The following UGT2B7 variants were observed in gnomAD, a reference collection of about 807,000 sequenced individuals.
UGT2B7 encodes UDP-glucuronosyltransferase 2B7.
UGT2B7 carries 51 observed loss-of-function variants against 51.9 expected under a neutral mutation model. The observed-to-expected ratio is 0.98, with a 90% CI of 0.78 to 1.24. UGT2B7 has a LOEUF of 1.24. Ranked by LOEUF, UGT2B7 falls within the 50% of genes most tolerant of loss-of-function variation. The probability of loss-of-function intolerance (pLI) is 0.00; values close to 1 mark genes in which losing one functional copy is unlikely to be tolerated. For missense variants in UGT2B7, 727 were observed against 628.4 expected, an observed-to-expected ratio of 1.16 and a Z score of -1.68; for synonymous variants, 225 against 211.6, an observed-to-expected ratio of 1.06 and a Z score of -0.55.
chr4:69,096,370 A>G, upstream of UGT2B7: 1 of 1,246,832 alleles, frequency 8.0e-7, no homozygotes, highest in Non-Finnish European at 1.1e-6. Context: ...TTTGCCATCC[A>G]CATGCTCAGA....
chr4:69,091,593 C>A (rs559239326), upstream of UGT2B7, among the ~76,000 whole-genome samples: 24 of 152,160 alleles, frequency 1.6e-4, no homozygotes, highest in African/African-American at 5.8e-4. Flanking sequence ...TATTTCAATT[C>A]GGAGCCCTGT....
chr4:69,056,220 A>C (rs544819731), intron 1 of UGT2B7, among the ~76,000 whole-genome samples: 1 of 152,324 alleles, frequency 6.6e-6, no homozygotes, highest in African/African-American at 2.4e-5. Context: ...CCCTGAAAAA[A>C]TCATACAATA....
intron 5 of UGT2B7, 97 bp from the exon 6 acceptor site, chr4:69,112,360 C>A (rs1719798651): frequency 6.8e-7 from 1 of 1,477,394 alleles, no homozygotes; most frequent in Admixed American, 2.3e-5. Flanking sequence ...GCCGATGCTC[C>A]CAGCCGAATA....
intron 1 of UGT2B7, among the ~76,000 whole-genome samples, chr4:69,077,840 C>T (rs1241734328): frequency 1.3e-5 from 2 of 152,184 alleles, no homozygotes; most frequent in Admixed American, 1.3e-4. Flanking sequence ...TGAGAGAGGG[C>T]ATCCTTGCCT....
chr4:69,079,006 G>T (rs1718777351), intron 1 of UGT2B7, among the ~76,000 whole-genome samples: 2 of 152,112 alleles, frequency 1.3e-5, no homozygotes, highest in South Asian at 4.1e-4. Flanking sequence ...GGTATTACCT[G>T]CCTGGTTACC....
chr4:69,097,241 G>C lies in UGT2B7; in HGVS notation c.721G>C (p.Gly241Arg). ...GGATCAGTTTTATAGTGAAGTTCTA[G>C]GTAAGTATTTTTTTCAATCAGTAAC... is the stretch of plus-strand genomic sequence containing the variant. ...KWDQFYSEVL[G>R]RPTTLSETMG... is the part of the protein sequence containing the mutation. The change falls in exon 1 of 6, where the codon GGA (glycine) becomes CGA (arginine). Residue 241 changes from glycine to arginine, a missense_variant and splice_region_variant. Gly to Arg is a moderately radical substitution (Grantham distance 125, BLOSUM62 -2). Coordinates refer to ENST00000305231, the MANE Select transcript of UGT2B7 (RefSeq NM_001074.4). 1 of 1,600,888 alleles carries C rather than the reference G, an allele frequency of 6.2e-7. No homozygotes were observed. Among genetic ancestry groups the C allele is most frequent in the African/African-American group, 1.4e-5 (1 of 73,688 alleles).
chr4:69,056,308 G>A (rs906227796), intron 1 of UGT2B7, among the ~76,000 whole-genome samples: 14 of 152,106 alleles, frequency 9.2e-5, no homozygotes, highest in Non-Finnish European at 1.3e-4. Flanking sequence ...CGAATCATAC[G>A]GTTACAAGCT....
At chr4:69,076,943 T>G (rs897882047) in intron 1 of UGT2B7, among the ~76,000 whole-genome samples, 1 of 152,206 alleles carries the variant, frequency 6.6e-6, no homozygotes, top group East Asian at 1.9e-4. Context: ...TTAGTCCATC[T>G]TGAGTTAATT....
intron 1 of UGT2B7, among the ~76,000 whole-genome samples, chr4:69,077,734 T>A (rs1718747458): frequency 6.6e-6 from 1 of 152,110 alleles, no homozygotes; most frequent in Non-Finnish European, 1.5e-5. Context: ...GCAGAGACAA[T>A]TTGACTTCCT....
intron 1 of UGT2B7, among the ~76,000 whole-genome samples, chr4:69,084,976 T>C (rs1278489864): frequency 6.6e-6 from 1 of 152,156 alleles, no homozygotes; most frequent in Non-Finnish European, 1.5e-5. Flanking sequence ...ATCCTTTGGG[T>C]AGATGCCCAG....
chr4:69,064,085 A>T (rs932055075), intron 1 of UGT2B7, among the ~76,000 whole-genome samples: 1 of 105,738 alleles, frequency 9.5e-6, no homozygotes, highest in South Asian at 2.9e-4. Context: ...AGAAAGAAAG[A>T]AAGAAAGAAA....
At chr4:69,070,373 CTAGA>C (rs906103207) in intron 1 of UGT2B7, among the ~76,000 whole-genome samples, 4 of 147,562 alleles carry the variant, frequency 2.7e-5, no homozygotes, top group Admixed American at 6.8e-5. Flanking sequence ...CGTTTGTTAC[CTAGA>C]TAAAGAACCC....
intron 1 of UGT2B7, among the ~76,000 whole-genome samples, chr4:69,081,632 G>C (rs1718840164): frequency 6.6e-6 from 1 of 151,998 alleles, no homozygotes; most frequent in Non-Finnish European, 1.5e-5. Context: ...CCAAACATCA[G>C]GACTTCTCTC....
At chr4:69,057,131 CCT>C (rs1366551073) in intron 1 of UGT2B7, among the ~76,000 whole-genome samples, 3 of 152,166 alleles carry the variant, frequency 2.0e-5, no homozygotes, top group African/African-American at 7.2e-5. Context: ...GCGTGCAGCC[CCT>C]GTCATGCACC....
chr4:69,086,408 A>G (rs1028923147), intron 1 of UGT2B7, among the ~76,000 whole-genome samples: 1 of 151,874 alleles, frequency 6.6e-6, no homozygotes. Flanking sequence ...GGTCTATTCT[A>G]GAAGATGTTT....
chr4:69,080,730 T>C (rs921850450), intron 1 of UGT2B7, among the ~76,000 whole-genome samples: 4 of 152,060 alleles, frequency 2.6e-5, no homozygotes, highest in Non-Finnish European at 5.9e-5. Context: ...TTAAATGCAA[T>C]TGACTTTCTG....
At chr4:69,056,687 C>T (rs1577904982) in intron 1 of UGT2B7, among the ~76,000 whole-genome samples, 1 of 152,128 alleles carries the variant, frequency 6.6e-6, no homozygotes, top group African/African-American at 2.4e-5. Context: ...TGTTTCCTAC[C>T]TGTACTTCTT....
Position 69,112,960 on chromosome 4 carries a change from G to T in UGT2B7, c.*224G>T. The stretch of plus-strand genomic sequence containing the variant: ...TTTGTGGCAATGAAGAAAACACTAC[G>T]GAAAATAAAAAATAAGATAAAGCCT... On this transcript the variant is annotated 3_prime_UTR_variant, in exon 6 of 6. Coordinates refer to ENST00000305231, the MANE Select transcript of UGT2B7 (RefSeq NM_001074.4). 1.8e-6 allele frequency: 1 copy of T among 546,610 alleles called. No individual in the cohort carries two copies. The highest frequency in any genetic ancestry group is 2.9e-5 in the South Asian group (1 of 34,168). 33.9% of individuals were successfully genotyped at this position (546,610 alleles called of 1,614,324 possible).
chr4:69,089,947 G>A (rs1374612293), intron 2 of UGT2B7, among the ~76,000 whole-genome samples: 2 of 152,006 alleles, frequency 1.3e-5, no homozygotes, highest in Non-Finnish European at 2.9e-5. Context: ...CTAACTCCAA[G>A]GAACATAAAA....
Sources: gnomAD v4.1 joint callset for allele counts (sites outside exome capture counted in the v4.1 genomes callset) on GRCh38, gnomAD v4.1.1 for gene constraint, MANE v1.5 for transcripts, NCBI Gene and HGNC (gene_info 2026-07-23, HGNC 2026-07-21) for gene names.